FMN2: variants seen among roughly 807,000 people sequenced by gnomAD.
FMN2 encodes the protein formin-2.
FMN2 carries 51 observed loss-of-function variants against 142.3 expected under a neutral mutation model. That is an observed-to-expected ratio of 0.36 (90% CI 0.29 to 0.45). The LOEUF is 0.45. FMN2 is among the 20% of genes least tolerant of loss of function. The pLI is 1.00. For missense variants in FMN2, 1,936 were observed against 2,122.8 expected (o/e 0.91, Z 1.73); for synonymous variants, 882 against 869.8 (o/e 1.01, Z -0.25).
intron 8 of FMN2, among the ~76,000 whole-genome samples, chr1:240,297,104 T>A (rs1183588234): frequency 6.6e-6 from 1 of 152,128 alleles, no homozygotes; most frequent in East Asian, 1.9e-4. Context: ...TGATTTAAGA[T>A]GTTGGTGTGT....
chr1:240,214,238 G>C (rs1426126914), intron 6 of FMN2, among the ~76,000 whole-genome samples: 1 of 152,056 alleles, frequency 6.6e-6, no homozygotes, highest in Non-Finnish European at 1.5e-5. Flanking sequence ...CGTCTCTTAA[G>C]GAATAAAGAG....
intron 16 of FMN2, among the ~76,000 whole-genome samples, chr1:240,459,736 AAAAAAAAAAAAAAAAAAAAG>A (rs1275383773): frequency 9.0e-6 from 1 of 111,002 alleles, no homozygotes; most frequent in South Asian, 2.8e-4. Context: ...AAAAAAAAAA[AAAAAAAAAAAAAAAAAAAAG>A]ATTGTAGAGG....
At chr1:240,164,651 A>G (rs1311250982) in intron 2 of FMN2, among the ~76,000 whole-genome samples, 1 of 152,200 alleles carries the variant, frequency 6.6e-6, no homozygotes, top group African/African-American at 2.4e-5. Flanking sequence ...AGATCATTAC[A>G]CTATCTTCTA....
chr1:240,448,459 A>G (rs905369458), intron 16 of FMN2, among the ~76,000 whole-genome samples: 6 of 152,334 alleles, frequency 3.9e-5, no homozygotes, highest in East Asian at 3.9e-4. Flanking sequence ...GAAGAGTCCT[A>G]TTATTCAAGT....
intron 6 of FMN2, among the ~76,000 whole-genome samples, chr1:240,226,543 G>A (rs936085906): frequency 6.6e-6 from 1 of 152,114 alleles, no homozygotes; most frequent in African/African-American, 2.4e-5. Flanking sequence ...GAAAGTTCAA[G>A]TTGAACGAAA....
intron 6 of FMN2, among the ~76,000 whole-genome samples, chr1:240,232,042 C>A (rs1459387061): frequency 6.6e-6 from 1 of 151,992 alleles, no homozygotes; most frequent in Non-Finnish European, 1.5e-5. Context: ...GTTGTTGAAT[C>A]TCTTCCATTT....
intron 4 of FMN2, among the ~76,000 whole-genome samples, chr1:240,191,435 C>A (rs945605069): frequency 1.3e-5 from 2 of 152,102 alleles, no homozygotes; most frequent in African/African-American, 2.4e-5. Flanking sequence ...TTATTGATGA[C>A]CCTGTGGAAT....
rs942153888 is a variant in FMN2, at chr1:240,119,149, G to A, written c.1616-4030G>A. Among the ~76,000 whole-genome samples the A allele has an allele frequency of 2.8e-4, 43 of 152,144 alleles. 1 individual carries two copies. Among genetic ancestry groups the A allele is most frequent in the Admixed American group, 2.4e-3 (36 of 15,298 alleles). ...TCGAGACCAGCCTGGCCAACATGGT[G>A]AAATCTCCTCTCTACTAAAGATACA... On this transcript the variant is annotated intron_variant, in intron 1 of 17. Transcript: ENST00000319653.
intron 2 of FMN2, among the ~76,000 whole-genome samples, chr1:240,162,045 T>C (rs971607240): frequency 2.6e-5 from 4 of 151,614 alleles, no homozygotes; most frequent in African/African-American, 9.7e-5. Context: ...GATGGAAGGA[T>C]CTCCTGAGCT....
At chr1:240,170,782 T>G in intron 2 of FMN2, 1 of 1,125,606 alleles carries the variant, frequency 8.9e-7, no homozygotes, top group East Asian at 2.3e-5. Flanking sequence ...AGGAGTTGGA[T>G]TGACAGTTAT....
intron 2 of FMN2, among the ~76,000 whole-genome samples, chr1:240,151,595 G>T (rs953045472): frequency 1.3e-5 from 2 of 152,002 alleles, no homozygotes; most frequent in African/African-American, 4.8e-5. Context: ...ATGCAGTTTC[G>T]TACAGTATTT....
At chr1:240,157,961 ACT>A (rs1395789255) in intron 2 of FMN2, among the ~76,000 whole-genome samples, 1 of 140,852 alleles carries the variant, frequency 7.1e-6, no homozygotes, top group Non-Finnish European at 1.5e-5. Flanking sequence ...ACATAGTCAG[ACT>A]CTGTCTCTAC....
intron 13 of FMN2, among the ~76,000 whole-genome samples, chr1:240,345,976 A>G (rs977538586): frequency 6.6e-6 from 1 of 152,194 alleles, no homozygotes; most frequent in African/African-American, 2.4e-5. Context: ...TTCAAAGGAC[A>G]TCGGTTGAAC....
chr1:240,461,848 C>T (rs1382094619), intron 16 of FMN2, among the ~76,000 whole-genome samples: 1 of 152,132 alleles, frequency 6.6e-6, no homozygotes, highest in Non-Finnish European at 1.5e-5. Context: ...AGATGGTGCA[C>T]ATGATATGCC....
chr1:240,154,994 C>A (rs1055970006), intron 2 of FMN2, among the ~76,000 whole-genome samples: 2 of 148,928 alleles, frequency 1.3e-5, no homozygotes, highest in East Asian at 2.0e-4. Context: ...TTAAGCAATC[C>A]CCCCCCCGAC....
chr1:240,428,309 G>A (rs552917578), intron 15 of FMN2, among the ~76,000 whole-genome samples: 134 of 151,014 alleles, frequency 8.9e-4, no homozygotes, highest in African/African-American at 3.1e-3. Context: ...ATGGCTTACT[G>A]CAACCTTAAC....
intron 15 of FMN2, among the ~76,000 whole-genome samples, chr1:240,437,772 T>C (rs1466822804): frequency 6.6e-6 from 1 of 152,246 alleles, no homozygotes; most frequent in East Asian, 1.9e-4. Flanking sequence ...CTCATCTTGA[T>C]GACAAGTTCA....
intron 13 of FMN2, among the ~76,000 whole-genome samples, chr1:240,335,284 TGGAGC>T: frequency 6.6e-6 from 1 of 152,346 alleles, no homozygotes; most frequent in African/African-American, 2.4e-5. Context: ...TGTACCCTGT[TGGAGC>T]CTTACAAGTT....
intron 7 of FMN2, among the ~76,000 whole-genome samples, chr1:240,282,701 G>A (rs1669440084): frequency 6.6e-6 from 1 of 152,182 alleles, no homozygotes; most frequent in African/African-American, 2.4e-5. Flanking sequence ...CATCTTAGTG[G>A]TGAGATGCAG....
Sources: gnomAD v4.1 joint callset for allele counts (sites outside exome capture counted in the v4.1 genomes callset) on GRCh38, gnomAD v4.1.1 for gene constraint, MANE v1.5 for transcripts, NCBI Gene and HGNC (gene_info 2026-07-23, HGNC 2026-07-21) for gene names.